Variants in CCNJL observed in about 807,000 individuals in gnomAD.
CCNJL encodes cyclin J like.
A neutral mutation model predicts 33.4 loss-of-function variants in CCNJL; 33 were observed. The observed-to-expected ratio is 0.99, with a 90% CI of 0.75 to 1.32. The LOEUF is 1.32. Among genes scored for constraint, CCNJL ranks in the 40% most tolerant of loss-of-function variants. The pLI is 0.00. For synonymous variants in CCNJL, 227 were observed against 220.9 expected (o/e 1.03, Z -0.24); for missense variants, 512 against 499.7 (o/e 1.02, Z -0.23).
At chr5:160,295,272 C>T (rs550353602) in intron 2 of CCNJL, among the ~76,000 whole-genome samples, 1 of 152,322 alleles carries the variant, frequency 6.6e-6, no homozygotes, top group Non-Finnish European at 1.5e-5. Flanking sequence ...GGGCGGTTCA[C>T]GAGGTCAAGA....
chr5:160,265,142 T>A (rs1476425060), intron 3 of CCNJL, among the ~76,000 whole-genome samples: 1 of 152,162 alleles, frequency 6.6e-6, no homozygotes, highest in Non-Finnish European at 1.5e-5. Context: ...CACCCCCAAC[T>A]AGACAGACCG....
chr5:160,275,549 A>G (rs1216509771), intron 3 of CCNJL, among the ~76,000 whole-genome samples: 1 of 151,826 alleles, frequency 6.6e-6, no homozygotes, highest in African/African-American at 2.4e-5. Context: ...CAGTGTCAAG[A>G]TCTCAGCTCA....
At chr5:160,281,935 C>T (rs1173335165) in intron 2 of CCNJL, among the ~76,000 whole-genome samples, 1 of 152,168 alleles carries the variant, frequency 6.6e-6, no homozygotes, top group Non-Finnish European at 1.5e-5. Flanking sequence ...GGATTACAGG[C>T]CTGAGCCATC....
chr5:160,310,532 CTG>C (rs2113456372), intron 2 of CCNJL, among the ~76,000 whole-genome samples: 1 of 152,338 alleles, frequency 6.6e-6, no homozygotes, highest in African/African-American at 2.4e-5. Context: ...AATGCACTGA[CTG>C]TGAAACCTGT....
At chr5:160,266,304 G>A (rs1430269556) in intron 3 of CCNJL, among the ~76,000 whole-genome samples, 2 of 152,258 alleles carry the variant, frequency 1.3e-5, no homozygotes, top group Admixed American at 6.5e-5. Context: ...GGAAGCCCAC[G>A]CAGGGCCAGG....
intron 2 of CCNJL, among the ~76,000 whole-genome samples, chr5:160,308,983 G>T (rs1048071765): frequency 3.9e-5 from 6 of 152,240 alleles, no homozygotes; most frequent in African/African-American, 1.4e-4. Flanking sequence ...TCCAGGAACA[G>T]AAAGGAGGTC....
intron 3 of CCNJL, among the ~76,000 whole-genome samples, chr5:160,271,570 C>T (rs1353693084): frequency 6.6e-6 from 1 of 152,204 alleles, no homozygotes; most frequent in East Asian, 1.9e-4. Flanking sequence ...AATGGAAAAT[C>T]ACCATGTCCT....
intron 5 of CCNJL, chr5:160,255,228 G>A (rs1025393120): frequency 1.1e-4 from 19 of 169,464 alleles, no homozygotes; most frequent in Non-Finnish European, 2.1e-4. Flanking sequence ...CAGGAGAATC[G>A]CTTGAACCCG....
chr5:160,307,596 T>A (rs1483179636), intron 2 of CCNJL, among the ~76,000 whole-genome samples: 2 of 152,128 alleles, frequency 1.3e-5, no homozygotes, highest in Admixed American at 6.6e-5. Flanking sequence ...CAGAAAAACA[T>A]CACTAGCAGC....
intron 2 of CCNJL, among the ~76,000 whole-genome samples, chr5:160,289,009 A>G (rs977246062): frequency 1.4e-4 from 21 of 152,124 alleles, no homozygotes; most frequent in Non-Finnish European, 2.5e-4. Flanking sequence ...AGCATGGGAA[A>G]CAATGTCTGC....
intron 3 of CCNJL, chr5:160,276,478 T>C (rs905813344): frequency 6.7e-6 from 1 of 150,130 alleles, no homozygotes; most frequent in Non-Finnish European, 1.5e-5. Flanking sequence ...GCAACATGGA[T>C]GATCCTTCAA....
rs1763449508 is a variant in CCNJL, at chr5:160,321,014, CTTTCTTTCTTT to C, written n.207-5520_207-5510del. 7.2e-4 allele frequency among the ~76,000 whole-genome samples: 26 copies of C among 35,962 alleles called. 2 individuals are homozygous for C. The highest frequency in any genetic ancestry group is 1.6e-3 in the African/African-American group (13 of 8,164). 23.6% of individuals were successfully genotyped at this position (35,962 alleles called of 152,430 possible). A position where few individuals can be genotyped will look rare whatever the true frequency, so the allele number is the denominator to read the frequency against. On this transcript the variant is annotated intron_variant and non_coding_transcript_variant, in intron 1 of 7. Transcript: ENST00000377503. ...TCTTTCTTTCTCTCTCTCTCTCTCT[CTTTCTTTCTTT>C]CTTTCTTTCTTTCTTTCTTTCTTTC...
intron 2 of CCNJL, among the ~76,000 whole-genome samples, chr5:160,284,717 G>C (rs1483212250): frequency 6.6e-6 from 1 of 152,224 alleles, no homozygotes; most frequent in Non-Finnish European, 1.5e-5. Context: ...CTAGAGCTTT[G>C]CTCATGGAAG....
intron 2 of CCNJL, among the ~76,000 whole-genome samples, chr5:160,286,826 A>C (rs1484076270): frequency 6.6e-6 from 1 of 151,764 alleles, no homozygotes; most frequent in African/African-American, 2.4e-5. Flanking sequence ...TCCCTCAAAT[A>C]CTGACTTAAA....
chr5:160,269,863 G>A lies in CCNJL; in HGVS notation c.281-10092C>T, dbSNP rs558600246. Among the ~76,000 whole-genome samples the A allele has an allele frequency of 3.9e-5, 6 of 152,304 alleles. No homozygotes were observed. The South Asian group carries it at 1.2e-3, about 32-fold the overall frequency. On this transcript the variant is annotated intron_variant, in intron 3 of 5. Coordinates refer to ENST00000257536, the MANE Select transcript of CCNJL (RefSeq NM_001308173.3). The stretch of plus-strand genomic sequence containing the variant: ...GTGACAACCTGTGTCCCCATTACTA[G>A]GCACATCCGAGCTGTATGCTTTTAG...
At chr5:160,310,325 A>G (rs1763221849) in intron 2 of CCNJL, among the ~76,000 whole-genome samples, 1 of 152,168 alleles carries the variant, frequency 6.6e-6, no homozygotes, top group African/African-American at 2.4e-5. Context: ...CACGTTGGCC[A>G]CTCTGTTCTG....
At chr5:160,321,078 CTT>C (rs773902984) in intron 1 of CCNJL, among the ~76,000 whole-genome samples, 71 of 104,008 alleles carry the variant, frequency 6.8e-4, no homozygotes, top group African/African-American at 4.2e-3. Context: ...TTCTTTCTTT[CTT>C]TCTTTCTTTC....
At chr5:160,308,092 A>C (rs905277878) in intron 2 of CCNJL, among the ~76,000 whole-genome samples, 4 of 152,118 alleles carry the variant, frequency 2.6e-5, no homozygotes, top group Non-Finnish European at 5.9e-5. Flanking sequence ...TACAAGGATT[A>C]CCCATCACAT....
At chr5:160,264,397 A>G (rs1293807672) in intron 3 of CCNJL, among the ~76,000 whole-genome samples, 1 of 151,980 alleles carries the variant, frequency 6.6e-6, no homozygotes, top group East Asian at 1.9e-4. Flanking sequence ...CTGATCCCTA[A>G]CACCATTTCC....
Sources: gnomAD v4.1 joint callset for allele counts (sites outside exome capture counted in the v4.1 genomes callset) on GRCh38, gnomAD v4.1.1 for gene constraint, MANE v1.5 for transcripts, NCBI Gene and HGNC (gene_info 2026-07-23, HGNC 2026-07-21) for gene names.